DOK5: variants seen among roughly 807,000 people sequenced by gnomAD.
DOK5 encodes the protein docking protein 5.
A neutral mutation model predicts 43.3 loss-of-function variants in DOK5; 27 were observed. The observed-to-expected ratio is 0.62, with a 90% CI of 0.46 to 0.86. DOK5 has a LOEUF of 0.86. DOK5 is among the 40% of genes least tolerant of loss of function. DOK5 has a pLI of 0.00. For synonymous variants in DOK5, 146 were observed against 140.1 expected (o/e 1.04, Z -0.30); for missense variants, 373 against 392.9 (o/e 0.95, Z 0.43).
rs1348023193 is a variant in DOK5 at position 54,587,094 on chromosome 20, A to G, written c.175-1389A>G. 2.0e-5 allele frequency among the ~76,000 whole-genome samples: 3 copies of G among 152,320 alleles called. No individual in the cohort carries two copies. In the East Asian group the frequency reaches 5.8e-4, roughly 29 times the overall value. On this transcript the variant is annotated intron_variant, in intron 2 of 7. Coordinates refer to ENST00000262593, the MANE Select transcript of DOK5 (RefSeq NM_018431.5). ...ATCAATAAGTAGTTGTGACAAGATG[A>G]TAGTGGCTTGAATTGGGGTAGTGGC... is the stretch of plus-strand genomic sequence containing the variant.
chr20:54,526,071 C>T (rs902046230), intron 1 of DOK5, among the ~76,000 whole-genome samples: 1 of 152,094 alleles, frequency 6.6e-6, no homozygotes, highest in Non-Finnish European at 1.5e-5. Context: ...CTAGCTGCCT[C>T]TCCCATTAAG....
intron 1 of DOK5, among the ~76,000 whole-genome samples, chr20:54,554,726 T>C (rs1465552744): frequency 6.6e-6 from 1 of 152,258 alleles, no homozygotes; most frequent in Non-Finnish European, 1.5e-5. Context: ...CAAATACTTA[T>C]TTTCTTTTGA....
chr20:54,483,039 A>G (rs1405405780), intron 1 of DOK5, among the ~76,000 whole-genome samples: 2 of 152,202 alleles, frequency 1.3e-5, no homozygotes, highest in Non-Finnish European at 1.5e-5. Context: ...CATGGTTTCC[A>G]TGTCAGAAGG....
At chr20:54,626,935 T>C (rs748671186) in intron 6 of DOK5, among the ~76,000 whole-genome samples, 2 of 152,222 alleles carry the variant, frequency 1.3e-5, no homozygotes, top group African/African-American at 2.4e-5. Context: ...TCCCTGTTCA[T>C]TTATGAGTTG....
intron 4 of DOK5, among the ~76,000 whole-genome samples, 197 bp downstream of exon 4, chr20:54,589,003 G>T (rs1281478317): frequency 1.3e-5 from 2 of 152,096 alleles, no homozygotes; most frequent in African/African-American, 4.8e-5. Context: ...TTCATAACAT[G>T]AATGTATCTA....
At chr20:54,539,391 C>G (rs1984071534) in intron 1 of DOK5, among the ~76,000 whole-genome samples, 1 of 151,046 alleles carries the variant, frequency 6.6e-6, no homozygotes, top group Non-Finnish European at 1.5e-5. Flanking sequence ...GAGGGATCCT[C>G]ATGATGGAAA....
intron 1 of DOK5, among the ~76,000 whole-genome samples, chr20:54,479,514 A>G (rs6023275): frequency 0.18 from 26,674 of 152,210 alleles, 3,658 homozygotes; most frequent in African/African-American, 0.38. Flanking sequence ...TGACTTAGAT[A>G]GCATCATATA....
chr20:54,595,371 C>T (rs1043872532), intron 5 of DOK5, among the ~76,000 whole-genome samples: 3 of 151,958 alleles, frequency 2.0e-5, no homozygotes, highest in African/African-American at 7.2e-5. Context: ...TCACTTTGAT[C>T]ACATTGTGCA....
intron 6 of DOK5, among the ~76,000 whole-genome samples, chr20:54,623,028 G>T (rs896616938): frequency 5.9e-5 from 9 of 152,248 alleles, no homozygotes; most frequent in East Asian, 1.9e-4. Flanking sequence ...TGTGAAGCCA[G>T]CCCCAGTGAA....
intron 1 of DOK5, among the ~76,000 whole-genome samples, chr20:54,509,337 T>G (rs1480586372): frequency 3.3e-5 from 5 of 152,148 alleles, no homozygotes; most frequent in Admixed American, 2.0e-4. Context: ...ACTACAGTCG[T>G]GCACCACTGC....
At chr20:54,595,472 A>C (rs1248263094) in intron 5 of DOK5, among the ~76,000 whole-genome samples, 2 of 152,236 alleles carry the variant, frequency 1.3e-5, no homozygotes, top group Non-Finnish European at 2.9e-5. Context: ...TGGGTGACAA[A>C]GTTGAGAACT....
At chr20:54,496,811 G>A (rs1982422417) in intron 1 of DOK5, among the ~76,000 whole-genome samples, 1 of 148,810 alleles carries the variant, frequency 6.7e-6, no homozygotes, top group African/African-American at 2.5e-5. Flanking sequence ...AGCATAAATC[G>A]ACATTTAGAG....
chr20:54,541,993 T>A (rs1264220669), intron 1 of DOK5, among the ~76,000 whole-genome samples: 1 of 151,806 alleles, frequency 6.6e-6, no homozygotes, highest in African/African-American at 2.4e-5. Context: ...TCCCTGATCA[T>A]CCCTCACCCT....
intron 1 of DOK5, among the ~76,000 whole-genome samples, chr20:54,546,936 T>G (rs1381772129): frequency 1.3e-5 from 2 of 152,122 alleles, no homozygotes; most frequent in Non-Finnish European, 2.9e-5. Context: ...AGAGTTTTAT[T>G]GGAGTAGAAT....
chr20:54,634,820 T>C lies in DOK5; in HGVS notation c.736-8638T>C, dbSNP rs568159881. Among the ~76,000 whole-genome samples, 6 of 152,088 alleles carry C rather than the reference T, an allele frequency of 3.9e-5. No individual in the cohort carries two copies. The South Asian group carries it at 1.2e-3, about 32-fold the overall frequency. On this transcript the variant is annotated intron_variant, in intron 6 of 7. Transcript: ENST00000262593. ...TGAACATACCACACGTACCATACCA[T>C]ATACATGTACCCTTTCAAACTGTAC...
intron 7 of DOK5, among the ~76,000 whole-genome samples, chr20:54,649,016 G>A (rs1979574859): frequency 6.6e-6 from 1 of 152,136 alleles, no homozygotes; most frequent in Non-Finnish European, 1.5e-5. Context: ...GAAAAACTAG[G>A]CACCTATATC....
intron 2 of DOK5, among the ~76,000 whole-genome samples, chr20:54,583,820 GT>G (rs927086665): frequency 2.0e-5 from 3 of 151,978 alleles, no homozygotes; most frequent in African/African-American, 7.3e-5. Flanking sequence ...GTTGGACCTG[GT>G]TTTTAATTTA....
At chr20:54,598,114 G>T (rs1176564992) in intron 5 of DOK5, among the ~76,000 whole-genome samples, 1 of 152,138 alleles carries the variant, frequency 6.6e-6, no homozygotes, top group Non-Finnish European at 1.5e-5. Context: ...TGGATCATAG[G>T]TCATTAGGGT....
At chr20:54,534,401 C>A (rs1001315277) in intron 1 of DOK5, among the ~76,000 whole-genome samples, 7 of 152,172 alleles carry the variant, frequency 4.6e-5, no homozygotes, top group Non-Finnish European at 1.0e-4. Flanking sequence ...GTTGTCCAGG[C>A]TGGTCTTGAA....
Sources: gnomAD v4.1 joint callset for allele counts (sites outside exome capture counted in the v4.1 genomes callset) on GRCh38, gnomAD v4.1.1 for gene constraint, MANE v1.5 for transcripts, NCBI Gene and HGNC (gene_info 2026-07-23, HGNC 2026-07-21) for gene names.